Variants in TSEN2 observed in about 807,000 individuals in gnomAD.
The protein encoded by TSEN2 is tRNA-splicing endonuclease subunit Sen2.
Under a neutral mutation model 59.2 loss-of-function variants are expected in TSEN2, and 54 were observed. That is an observed-to-expected ratio of 0.91 (90% CI 0.73 to 1.14). The LOEUF is 1.14. Ranked by LOEUF, TSEN2 falls within the 50% of genes most tolerant of loss-of-function variation. The probability of loss-of-function intolerance (pLI) is 0.00; values close to 1 mark genes in which losing one functional copy is unlikely to be tolerated. For synonymous variants in TSEN2, 195 were observed against 198.2 expected (o/e 0.98, Z 0.14); for missense variants, 636 against 576.2 (o/e 1.10, Z -1.06).
chr3:12,480,395 A>T (rs746055596), upstream of TSEN2, among the ~76,000 whole-genome samples: 38 of 151,620 alleles, frequency 2.5e-4, no homozygotes, highest in Non-Finnish European at 2.8e-4. Context: ...CTCATATGCC[A>T]CCTCTTCCTG....
At chr3:12,501,981 G>A (rs1206665375) in intron 4 of TSEN2, among the ~76,000 whole-genome samples, 1 of 152,024 alleles carries the variant, frequency 6.6e-6, no homozygotes, top group African/African-American at 2.4e-5. Context: ...TTGTAACTTG[G>A]GTGTTAGCTT....
intron 11 of TSEN2, among the ~76,000 whole-genome samples, chr3:12,532,335 G>A (rs534965271): frequency 4.6e-5 from 7 of 152,236 alleles, no homozygotes; most frequent in Admixed American, 2.0e-4. Flanking sequence ...AGCTGGCCCC[G>A]TTACAGCAAT....
At chr3:12,511,712 A>G (rs775463984) in intron 6 of TSEN2, among the ~76,000 whole-genome samples, 6 of 152,002 alleles carry the variant, frequency 3.9e-5, no homozygotes, top group Non-Finnish European at 8.8e-5. Context: ...AACCACAGGC[A>G]CATGCCACCA....
At chr3:12,523,535 T>TTTTTTTTTTTTTTTTTG (rs1242072370) in intron 8 of TSEN2, among the ~76,000 whole-genome samples, 1 of 132,062 alleles carries the variant, frequency 7.6e-6, no homozygotes, top group Non-Finnish European at 1.6e-5. Flanking sequence ...TCTTTTTTTT[T>TTTTTTTTTTTTTTTTTG]TTTTTTTTTT....
upstream of TSEN2, among the ~76,000 whole-genome samples, chr3:12,482,704 C>G (rs753064922): frequency 6.6e-6 from 1 of 152,186 alleles, no homozygotes; most frequent in Non-Finnish European, 1.5e-5. Flanking sequence ...TCGGTTATCT[C>G]TGACAACTCA....
chr3:12,485,698 A>G (rs2124875394), intron 1 of TSEN2, among the ~76,000 whole-genome samples: 1 of 152,170 alleles, frequency 6.6e-6, no homozygotes, highest in East Asian at 1.9e-4. Context: ...TCCCAGGTTT[A>G]ATTTTCTTAA....
upstream of TSEN2, among the ~76,000 whole-genome samples, chr3:12,482,125 AT>A (rs1192204329): frequency 2.6e-5 from 4 of 152,098 alleles, no homozygotes; most frequent in Non-Finnish European, 4.4e-5. Flanking sequence ...TGTAGAAGCG[AT>A]TTTTTATTTT....
Position 12,519,055 on chromosome 3 carries a change from T to G in TSEN2, c.961-4T>G. On this transcript the variant is annotated splice_region_variant and splice_polypyrimidine_tract_variant and intron_variant, in intron 7 of 11. Transcript: ENST00000284995. ...GCTTTTTGTTTTTTTGTAAATAACT[T>G]TAGGAGCCTTTAACGATAGTGAAGC... 5 of 1,614,178 alleles carry G rather than the reference T, an allele frequency of 3.1e-6. No individual in the cohort carries two copies. Among genetic ancestry groups the G allele is most frequent in the East Asian group, 4.5e-5 (2 of 44,888 alleles).
At chr3:12,530,062 G>A (rs1272544586) in intron 10 of TSEN2, 189 bp downstream of exon 10, 5 of 1,431,804 alleles carry the variant, frequency 3.5e-6, no homozygotes, top group Middle Eastern at 2.5e-4. Context: ...CTCCCCTCAT[G>A]TTACATTTTA....
At chr3:12,503,211 T>C in intron 4 of TSEN2, 51 bp from the exon 5 acceptor site, 1 of 1,612,378 alleles carries the variant, frequency 6.2e-7, no homozygotes, top group Non-Finnish European at 8.5e-7. Context: ...TTTGTTGTTT[T>C]TTCAATTTTG....
intron 8 of TSEN2, among the ~76,000 whole-genome samples, chr3:12,526,534 G>A (rs1361575564): frequency 1.3e-5 from 2 of 152,166 alleles, no homozygotes; most frequent in Non-Finnish European, 2.9e-5. Flanking sequence ...TTTTGTGTAA[G>A]TACACTCTAC....
At chr3:12,506,598 G>T in intron 6 of TSEN2, 1 of 632,444 alleles carries the variant, frequency 1.6e-6, no homozygotes, top group Non-Finnish European at 2.0e-6. Context: ...AAAAAAAAGT[G>T]GCTAAAAGTG....
intron 2 of TSEN2, among the ~76,000 whole-genome samples, chr3:12,491,492 C>T (rs892140632): frequency 1.3e-5 from 2 of 152,150 alleles, no homozygotes; most frequent in African/African-American, 2.4e-5. Flanking sequence ...CAGCATGGCT[C>T]CTGCCTTCAG....
rs1212849445 is a variant in TSEN2 at position 12,530,820 on chromosome 3, A to G, written c.1249-750A>G. The stretch of plus-strand genomic sequence containing the variant: ...TTGGAAACTGCAACTTTAATGTCGT[A>G]TAACAAAACCGTTTTTTCTTCTCAT... On this transcript the variant is annotated intron_variant, in intron 10 of 11. Coordinates refer to ENST00000284995, the MANE Select transcript of TSEN2 (RefSeq NM_025265.4). 19 of 944,072 alleles carry G rather than the reference A, an allele frequency of 2.0e-5. No homozygotes were observed. The South Asian group carries it at 4.9e-4, about 24-fold the overall frequency. 58.5% of individuals were successfully genotyped at this position (944,072 alleles called of 1,614,324 possible).
intron 6 of TSEN2, among the ~76,000 whole-genome samples, chr3:12,514,182 C>T (rs981135512): frequency 6.6e-6 from 1 of 152,118 alleles, no homozygotes. Flanking sequence ...AAGACCTCTC[C>T]AAGAAGTGAC....
rs148949134 is a variant in TSEN2, at chr3:12,509,767, G to A, written c.909+4536G>A. Among the ~76,000 whole-genome samples, 11 of 152,314 alleles carry A rather than the reference G, an allele frequency of 7.2e-5. No individual in the cohort carries two copies. The East Asian group carries it at 2.1e-3, about 29-fold the overall frequency. The stretch of plus-strand genomic sequence containing the variant: ...ACAGAAAATGACTTGAGCTCTAGGA[G>A]CAGCATTCATGCTGAGTGTGCTCAC... On this transcript the variant is annotated intron_variant, in intron 6 of 11. Transcript: ENST00000284995.
intron 10 of TSEN2, 48 bp downstream of exon 10, chr3:12,529,921 G>GTT (rs35445022): frequency 1.9e-3 from 2,815 of 1,486,142 alleles, no homozygotes; most frequent in South Asian, 5.0e-3. Context: ...AAATGGTTCA[G>GTT]TTTTTTTTTT....
At position 12,499,384 on chromosome 3, in the gene TSEN2, T is replaced by C. The variant is rs375245482; in HGVS notation, c.308+2830T>C. On this transcript the variant is annotated intron_variant, in intron 4 of 11. Coordinates refer to ENST00000284995, the MANE Select transcript of TSEN2 (RefSeq NM_025265.4). ...GAGGAAAAGACCTAGTCCCTGTTCT[T>C]GAAGGATTTACAGTCTAGTGAGAGA... Among the ~76,000 whole-genome samples the C allele has an allele frequency of 1.6e-4, 24 of 152,282 alleles. No individual in the cohort carries two copies. The South Asian group carries it at 5.0e-3, about 32-fold the overall frequency.
At chr3:12,493,718 C>T (rs1461148530) in intron 3 of TSEN2, among the ~76,000 whole-genome samples, 1 of 152,172 alleles carries the variant, frequency 6.6e-6, no homozygotes, top group Non-Finnish European at 1.5e-5. Flanking sequence ...CAGAGCAAGA[C>T]TCCGTTTCTA....
Sources: gnomAD v4.1 joint callset for allele counts (sites outside exome capture counted in the v4.1 genomes callset) on GRCh38, gnomAD v4.1.1 for gene constraint, MANE v1.5 for transcripts, NCBI Gene and HGNC (gene_info 2026-07-23, HGNC 2026-07-21) for gene names.